Variants in ATP11A observed in about 807,000 individuals in gnomAD.
ATP11A encodes ATPase phospholipid transporting 11A.
ATP11A carries 81 observed loss-of-function variants against 154.4 expected under a neutral mutation model. The ratio of observed to expected loss-of-function variants is 0.52; its 90% CI spans 0.44 to 0.63. The LOEUF (loss-of-function observed/expected upper bound fraction) is 0.63. Among genes scored for constraint, ATP11A ranks in the 30% least tolerant of loss-of-function variants. The pLI is 0.00. For synonymous variants in ATP11A, 623 were observed against 585.9 expected (o/e 1.06, Z -0.91); for missense variants, 1,316 against 1,474.3 (o/e 0.89, Z 1.76).
chr13:112,806,204 T>C lies in ATP11A; in HGVS notation c.253-9T>C, dbSNP rs1326658118. On this transcript the variant is annotated splice_polypyrimidine_tract_variant and intron_variant, in intron 3 of 29. Transcript: ENST00000375645. ...TTGAAGATGATTTTACAATTCTCTC[T>C]TTCTGCAGTTGATTATTGATACACC... 1.2e-6 allele frequency: 2 copies of C among 1,607,974 alleles called. No homozygotes were observed. The highest frequency in any genetic ancestry group is 2.2e-5 in the South Asian group (2 of 90,308).
intron 1 of ATP11A, among the ~76,000 whole-genome samples, chr13:112,711,986 T>C (rs1452225114): frequency 1.3e-5 from 2 of 152,162 alleles, no homozygotes; most frequent in East Asian, 1.9e-4. Flanking sequence ...CTCCCAGCCC[T>C]GTTGTCTGGG....
chr13:112,702,664 A>T (rs781742702), intron 1 of ATP11A, among the ~76,000 whole-genome samples: 1 of 152,202 alleles, frequency 6.6e-6, no homozygotes, highest in Non-Finnish European at 1.5e-5. Flanking sequence ...CGTTCTGCTG[A>T]TATCTATCCC....
At chr13:112,737,818 G>A (rs187865700) in intron 1 of ATP11A, among the ~76,000 whole-genome samples, 107 of 152,314 alleles carry the variant, frequency 7.0e-4, no homozygotes, top group Non-Finnish European at 6.2e-4. Flanking sequence ...ACACAGGTTT[G>A]CTGCCAGTGC....
chr13:112,762,202 C>A (rs2076979178), intron 1 of ATP11A, among the ~76,000 whole-genome samples: 1 of 152,206 alleles, frequency 6.6e-6, no homozygotes, highest in African/African-American at 2.4e-5. Context: ...TCCTCTGCCC[C>A]AGCTCAGGGT....
chr13:112,794,843 G>A (rs2077956442), intron 2 of ATP11A, among the ~76,000 whole-genome samples: 1 of 151,970 alleles, frequency 6.6e-6, no homozygotes, highest in South Asian at 2.1e-4. Context: ...ACTCCAGCCT[G>A]GGTGACAGAC....
intron 19 of ATP11A, 33 bp downstream of exon 19, chr13:112,854,563 C>T (rs373406328): frequency 1.8e-5 from 29 of 1,587,288 alleles, no homozygotes; most frequent in African/African-American, 2.7e-5. Flanking sequence ...CACCCCCACA[C>T]TCCCGCAAAA....
intron 2 of ATP11A, among the ~76,000 whole-genome samples, chr13:112,792,118 G>A (rs2077876786): frequency 6.6e-6 from 1 of 152,164 alleles, no homozygotes; most frequent in Non-Finnish European, 1.5e-5. Flanking sequence ...AGTGGATGAG[G>A]TTGTGTAATT....
chr13:112,858,185 C>T lies in ATP11A; in HGVS notation c.2562C>T (p.Ser854=), dbSNP rs376590874. The T allele has an allele frequency of 6.8e-5, 110 of 1,613,970 alleles. No individual in the cohort carries two copies. The highest frequency in any genetic ancestry group is 1.9e-4 in the South Asian group (17 of 91,086). Residue 854 remains serine, a synonymous_variant, in exon 22 of 30, where the codon AGC becomes AGT. Transcript: ENST00000375645. ...AAGGCCGCCAGGCTGCCAGGAACAGCGACTATGCAATCCCAAAGTTTAAGC... is the reference window on the plus strand; with the variant it reads ...AAGGCCGCCAGGCTGCCAGGAACAGTGACTATGCAATCCCAAAGTTTAAGC... ...GKEGRQAARN[S]DYAIPKFKHL...
intron 1 of ATP11A, among the ~76,000 whole-genome samples, chr13:112,773,613 GC>G (rs1326165691): frequency 6.6e-6 from 1 of 152,198 alleles, no homozygotes; most frequent in Non-Finnish European, 1.5e-5. Flanking sequence ...CCCAGGAAAG[GC>G]CCAGGGCTTT....
In ATP11A at chr13:112,858,157, A is replaced by G; in HGVS notation, c.2534A>G (p.Lys845Arg). The G allele has an allele frequency of 1.2e-6, 2 of 1,613,566 alleles. No individual in the cohort carries two copies. The highest frequency in any genetic ancestry group is 1.1e-5 in the South Asian group (1 of 91,080). The change falls in exon 22 of 30, where the codon AAG becomes AGG. Residue 845 changes from lysine (K) to arginine (R), a missense_variant. Lys to Arg is a conservative substitution (Grantham distance 26). Coordinates refer to ENST00000375645, the MANE Select transcript of ATP11A (RefSeq NM_015205.3). ...EAHVGIGVIG[K>R]EGRQAARNSD... is the part of the protein sequence containing the mutation. Reference sequence around the variant, plus strand: ...CTCCGTCTTCTAGGTGTCATCGGCAAGGAAGGCCGCCAGGCTGCCAGGAAC... The same window carrying G: ...CTCCGTCTTCTAGGTGTCATCGGCAGGGAAGGCCGCCAGGCTGCCAGGAAC...
chr13:112,799,141 G>C (rs916082401), intron 2 of ATP11A, among the ~76,000 whole-genome samples: 1 of 152,210 alleles, frequency 6.6e-6, no homozygotes, highest in Non-Finnish European at 1.5e-5. Context: ...TAACAACAGA[G>C]GGTCAAAATA....
rs764373156 is a variant in ATP11A at position 112,856,098 on chromosome 13, C to T, written c.2418+13C>T. 2.4e-5 allele frequency: 39 copies of T among 1,604,522 alleles called. No homozygotes were observed. The highest frequency in any genetic ancestry group is 1.7e-4 in the South Asian group (15 of 90,212). ...GCAGAAGGCTCAGGTGCTGCCCGCC[C>T]GTCCTCGATAGCTGGTGGTCAGGGC... On this transcript the variant is annotated intron_variant, in intron 20 of 29. Coordinates refer to ENST00000375645, the MANE Select transcript of ATP11A (RefSeq NM_015205.3).
chr13:112,816,451 A>G (rs2078648151), intron 6 of ATP11A, among the ~76,000 whole-genome samples: 1 of 152,198 alleles, frequency 6.6e-6, no homozygotes, highest in Admixed American at 6.5e-5. Flanking sequence ...TGATGTTATA[A>G]GATACATATT....
intron 1 of ATP11A, among the ~76,000 whole-genome samples, chr13:112,757,682 T>C (rs2076873384): frequency 6.6e-6 from 1 of 152,224 alleles, no homozygotes; most frequent in South Asian, 2.1e-4. Context: ...AGGCCAGTTG[T>C]TCAGTGTTCA....
At chr13:112,794,904 C>T (rs947084321) in intron 2 of ATP11A, among the ~76,000 whole-genome samples, 3 of 151,502 alleles carry the variant, frequency 2.0e-5, no homozygotes, top group African/African-American at 7.3e-5. Flanking sequence ...ATAAAGCAAT[C>T]ATGCAGGTGG....
Position 112,831,407 on chromosome 13 carries a change from C to G in ATP11A, c.1254C>G (p.Thr418=), listed in dbSNP as rs1488022141. The change falls in exon 13 of 30, where the codon ACC becomes ACG. Residue 418 remains threonine, a synonymous_variant. Transcript: ENST00000375645. ...VEYIFTDKTG[T]LTENNMEFKE... is the part of the protein sequence containing the mutation. The stretch of plus-strand genomic sequence containing the variant: ...ACATCTTCACAGACAAGACCGGCAC[C>G]CTCACGGAAAACAACATGGAGTTCA... 1 of 1,614,188 alleles carries G rather than the reference C, an allele frequency of 6.2e-7. No homozygotes were observed. The highest frequency in any genetic ancestry group is 1.7e-5 in the Admixed American group (1 of 60,020).
chr13:112,854,011 G>A (rs1419215740), intron 18 of ATP11A, among the ~76,000 whole-genome samples: 1 of 152,184 alleles, frequency 6.6e-6, no homozygotes, highest in East Asian at 1.9e-4. Flanking sequence ...TCAGACGTCA[G>A]TGACACAAGA....
At chr13:112,865,969 G>A (rs548552713) in intron 25 of ATP11A, among the ~76,000 whole-genome samples, 32 of 152,358 alleles carry the variant, frequency 2.1e-4, no homozygotes, top group African/African-American at 1.7e-4. Context: ...TGAATTCCAC[G>A]TTGAGCCCGT....
intron 26 of ATP11A, among the ~76,000 whole-genome samples, chr13:112,872,038 G>T (rs543614281): frequency 3.9e-5 from 6 of 152,150 alleles, no homozygotes; most frequent in Non-Finnish European, 8.8e-5. Context: ...GAGCTACACC[G>T]GAGGTAACCT....
Sources: allele counts gnomAD v4.1 joint callset (sites outside exome capture counted in the v4.1 genomes callset), GRCh38; gene constraint gnomAD v4.1.1; transcripts MANE v1.5; gene names NCBI Gene and HGNC (gene_info 2026-07-23, HGNC 2026-07-21).